The following LCORL variants were observed in gnomAD, a reference collection of about 807,000 sequenced individuals.
LCORL encodes ligand-dependent nuclear receptor corepressor-like protein.
In LCORL, 41 loss-of-function variants were observed where a neutral mutation model predicts 141.8. The observed-to-expected ratio is 0.29, with a 90% CI of 0.23 to 0.38. LCORL has a LOEUF of 0.38. Ranked by LOEUF, LCORL falls within the 10% of genes least tolerant of loss-of-function variation. LCORL has a pLI of 1.00. For synonymous variants in LCORL, 618 were observed against 694.1 expected, an observed-to-expected ratio of 0.89 and a Z score of 1.72; for missense variants, 1,759 against 2,035.0, an observed-to-expected ratio of 0.86 and a Z score of 2.61.
intron 1 of LCORL, among the ~76,000 whole-genome samples, chr4:18,019,958 T>G (rs946761316): frequency 2.0e-5 from 3 of 151,492 alleles, no homozygotes; most frequent in African/African-American, 4.9e-5. Flanking sequence ...TACCTAGAGG[T>G]TTTTTTTTAC....
chr4:17,962,266 A>C (rs1261892669), intron 3 of LCORL, among the ~76,000 whole-genome samples: 1 of 151,984 alleles, frequency 6.6e-6, no homozygotes, highest in Non-Finnish European at 1.5e-5. Flanking sequence ...AAAAAAAAAA[A>C]AAAGAGCATA....
intron 7 of LCORL, among the ~76,000 whole-genome samples, chr4:17,864,061 T>C (rs1560264884): frequency 6.6e-6 from 1 of 152,148 alleles, no homozygotes; most frequent in Non-Finnish European, 1.5e-5. Context: ...GCTTATTACC[T>C]GGGTGATGAA....
intron 4 of LCORL, among the ~76,000 whole-genome samples, chr4:17,957,386 T>C (rs1712881933): frequency 6.6e-6 from 1 of 151,840 alleles, no homozygotes; most frequent in African/African-American, 2.4e-5. Context: ...AACACATAAG[T>C]TTCAATTAGA....
chr4:17,876,380 A>G lies in LCORL; in HGVS notation c.2610T>C (p.Asp870=), dbSNP rs933940324. The G allele has an allele frequency of 4.3e-4, 535 of 1,230,770 alleles. 2 individuals carry two copies. The highest frequency in any genetic ancestry group is 8.9e-5 in the Non-Finnish European group (88 of 987,138). 76.2% of individuals were successfully genotyped at this position (1,230,770 alleles called of 1,614,324 possible). A position where few individuals can be genotyped will look rare whatever the true frequency, so the allele number is the denominator to read the frequency against. The change falls in exon 7 of 8, where the codon GAT becomes GAC. Residue 870 remains aspartate, a synonymous_variant. Transcript: ENST00000635767. ...TTCTGTCAGCATGTTGGTCTTTACCATCAATTTCTATCAATTTCTTGGATG... is the reference window on the plus strand; with the variant it reads ...TTCTGTCAGCATGTTGGTCTTTACCGTCAATTTCTATCAATTTCTTGGATG...
intron 5 of LCORL, among the ~76,000 whole-genome samples, chr4:17,896,483 T>C (rs1435985230): frequency 6.6e-6 from 1 of 152,140 alleles, no homozygotes; most frequent in Non-Finnish European, 1.5e-5. Flanking sequence ...AGGGTTTCAC[T>C]GTTAGCCAGG....
chr4:17,978,797 A>G (rs1717456241), intron 1 of LCORL, among the ~76,000 whole-genome samples: 1 of 152,168 alleles, frequency 6.6e-6, no homozygotes, highest in Middle Eastern at 3.2e-3. Flanking sequence ...AGGGCACTGC[A>G]TGCTGATTTC....
intron 4 of LCORL, among the ~76,000 whole-genome samples, chr4:17,933,760 A>G (rs905116067): frequency 6.6e-6 from 1 of 152,080 alleles, no homozygotes; most frequent in Admixed American, 6.6e-5. Context: ...TTACTGTCAT[A>G]TGTAAAAACT....
chr4:17,940,151 T>TATATGTATAC (rs1393361788), intron 4 of LCORL, among the ~76,000 whole-genome samples: 38 of 131,970 alleles, frequency 2.9e-4, no homozygotes, highest in African/African-American at 9.4e-4. Context: ...TATATGTATA[T>TATATGTATAC]ATGTATATAT....
At position 17,843,248 on chromosome 4, in the gene LCORL, TA is replaced by T; in HGVS notation, c.*2639del. The T allele has an allele frequency of 1.9e-6, 3 of 1,558,986 alleles. No homozygotes were observed. The Admixed American group carries it at 5.8e-5, about 30-fold the overall frequency. ...GAAACAAAAAAGTTTTATTTATAAA[TA>T]AACTGGTTTTAAAGCTTGTATCTAA... On this transcript the variant is annotated 3_prime_UTR_variant, in exon 8 of 8. Transcript: ENST00000635767.
At chr4:17,922,679 C>T (rs1258157517) in intron 4 of LCORL, among the ~76,000 whole-genome samples, 3 of 152,102 alleles carry the variant, frequency 2.0e-5, no homozygotes. Flanking sequence ...TGACCTTCAA[C>T]AAAAGGTGCA....
chr4:18,013,456 A>T lies in LCORL; in HGVS notation c.154+8142T>A, dbSNP rs1405704194. 2.6e-5 allele frequency among the ~76,000 whole-genome samples: 4 copies of T among 152,236 alleles called. No homozygotes were observed. The South Asian group carries it at 8.3e-4, about 31-fold the overall frequency. Reference sequence around the variant, plus strand: ...CAGCCCAGATACTACTACTACATAAATATTATAGCATCTTTCATAGGAATA... The same window carrying T: ...CAGCCCAGATACTACTACTACATAATTATTATAGCATCTTTCATAGGAATA... On this transcript the variant is annotated intron_variant, in intron 1 of 7. Coordinates refer to ENST00000635767, the Ensembl canonical transcript of LCORL.
At chr4:17,954,705 T>C (rs920764169) in intron 4 of LCORL, among the ~76,000 whole-genome samples, 1 of 151,956 alleles carries the variant, frequency 6.6e-6, no homozygotes, top group African/African-American at 2.4e-5. Flanking sequence ...ATGGTGAGAT[T>C]TAGAGTAGAT....
intron 4 of LCORL, among the ~76,000 whole-genome samples, chr4:17,953,142 A>G (rs1711807586): frequency 6.6e-6 from 1 of 152,212 alleles, no homozygotes; most frequent in East Asian, 1.9e-4. Flanking sequence ...TATCCAGTCT[A>G]CCACTGATGG....
chr4:17,851,070 T>A (rs370383974), intron 7 of LCORL, among the ~76,000 whole-genome samples: 4 of 141,162 alleles, frequency 2.8e-5, no homozygotes, highest in African/African-American at 1.1e-4. Context: ...TAGGTGGGAA[T>A]TGAACAGTGA....
chr4:18,013,435 C>T (rs1297056371), intron 1 of LCORL, among the ~76,000 whole-genome samples: 1 of 152,110 alleles, frequency 6.6e-6, no homozygotes, highest in Non-Finnish European at 1.5e-5. Context: ...TACCTTCAGC[C>T]CAGATACTAC....
At chr4:17,952,973 A>G (rs1030372729) in intron 4 of LCORL, among the ~76,000 whole-genome samples, 1 of 151,686 alleles carries the variant, frequency 6.6e-6, no homozygotes, top group Non-Finnish European at 1.5e-5. Context: ...ATTCCCACTT[A>G]TAAGTGAGAA....
intron 1 of LCORL, among the ~76,000 whole-genome samples, chr4:17,986,328 G>A (rs1198214129): frequency 6.6e-6 from 1 of 152,152 alleles, no homozygotes; most frequent in Non-Finnish European, 1.5e-5. Context: ...AGGTTTTCAT[G>A]GGTGATACCC....
exon 8 of LCORL, chr4:17,845,702 G>A: frequency 1.3e-6 from 2 of 1,578,972 alleles, no homozygotes; most frequent in Non-Finnish European, 1.7e-6. Context: ...AATAAAGATA[G>A]TGCAAGAAGA....
chr4:17,978,658 T>G (rs879282963), intron 1 of LCORL, among the ~76,000 whole-genome samples: 2 of 152,082 alleles, frequency 1.3e-5, no homozygotes, highest in African/African-American at 2.4e-5. Flanking sequence ...GAATAATGAT[T>G]GCCAGCCCTA....
Sources: gnomAD v4.1 joint callset for allele counts (sites outside exome capture counted in the v4.1 genomes callset) on GRCh38, gnomAD v4.1.1 for gene constraint, MANE v1.5 for transcripts, NCBI Gene and HGNC (gene_info 2026-07-23, HGNC 2026-07-21) for gene names.